The following RAB43 variants were observed in gnomAD, a reference collection of about 807,000 sequenced individuals.
The protein encoded by RAB43 is ras-related protein Rab-43.
In RAB43, 6 loss-of-function variants were observed where a neutral mutation model predicts 18.8. The observed-to-expected ratio is 0.32, with a 90% CI of 0.17 to 0.63. The LOEUF is 0.63. RAB43 is among the 30% of genes least tolerant of loss of function. The pLI, the probability that RAB43 is intolerant of heterozygous loss-of-function variation, is 0.79. For missense variants in RAB43, 195 were observed against 289.1 expected (o/e 0.67, Z 2.36); for synonymous variants, 103 against 124.1 (o/e 0.83, Z 1.13).
Position 129,113,644 on chromosome 3 carries a change from G to T in RAB43, c.204+7642C>A, listed in dbSNP as rs568804804. On this transcript the variant is annotated intron_variant, in intron 1 of 2. Coordinates refer to ENST00000315150, the MANE Select transcript of RAB43 (RefSeq NM_198490.3). ...AGGGAGATTTGCGAGGCAAACTGGTGCAAGTAGAGGAGAGCTGATTTTAAT... is the reference window on the plus strand; with the variant it reads ...AGGGAGATTTGCGAGGCAAACTGGTTCAAGTAGAGGAGAGCTGATTTTAAT... Among the ~76,000 whole-genome samples, 137 of 152,310 alleles carry T rather than the reference G, an allele frequency of 9.0e-4. 2 individuals are homozygous for T. In the South Asian group the frequency reaches 0.028, roughly 31 times the overall value.
Position 129,095,984 on chromosome 3 carries a change from T to G in RAB43, c.205-815A>C, listed in dbSNP as rs1311699775. On this transcript the variant is annotated intron_variant, in intron 1 of 2. Transcript: ENST00000315150. The surrounding 1 kb of genome is among the most constrained non-coding windows in gnomAD (Gnocchi z 4.2). The stretch of plus-strand genomic sequence containing the variant: ...CAGAGATCACCAGCCAAGGGGCATA[T>G]GCCAGGGATCTTGGTGACCAAACAC... Among the ~76,000 whole-genome samples, 1 of 152,188 alleles carries G rather than the reference T, an allele frequency of 6.6e-6. No homozygotes were observed. Among genetic ancestry groups the G allele is most frequent in the Non-Finnish European group, 1.5e-5 (1 of 68,016 alleles).
chr3:129,114,949 G>GTAAACCA (rs1309473914), intron 1 of RAB43, among the ~76,000 whole-genome samples: 27 of 152,188 alleles, frequency 1.8e-4, no homozygotes, highest in Admixed American at 4.6e-4. Flanking sequence ...GGGCAACTAG[G>GTAAACCA]CTGAGAAACC....
chr3:129,102,055 G>A (rs879598400), intron 1 of RAB43, among the ~76,000 whole-genome samples: 12 of 152,158 alleles, frequency 7.9e-5, no homozygotes, highest in African/African-American at 1.4e-4. Flanking sequence ...AGAGGCCTCC[G>A]CACCCTAGGG....
At chr3:129,121,080 C>A (rs78114618) in intron 1 of RAB43, among the ~76,000 whole-genome samples, 3,762 of 147,806 alleles carry the variant, frequency 0.025, 307 homozygotes, top group East Asian at 0.22. Context: ...CCCCCCCCCC[C>A]CCAGCAACCC....
chr3:129,112,065 A>G (rs947961640), intron 1 of RAB43, among the ~76,000 whole-genome samples: 1 of 152,138 alleles, frequency 6.6e-6, no homozygotes, highest in Non-Finnish European at 1.5e-5. Flanking sequence ...CCTGGGCAAC[A>G]ATGTGAAACC....
chr3:129,121,498 A>G lies in RAB43; in HGVS notation c.-9T>C, dbSNP rs2107591231. 1 of 1,601,194 alleles carries G rather than the reference A, an allele frequency of 6.2e-7. No individual in the cohort carries two copies. Among genetic ancestry groups the G allele is most frequent in the Non-Finnish European group, 8.5e-7 (1 of 1,174,422 alleles). On this transcript the variant is annotated 5_prime_UTR_variant, in exon 1 of 3. Coordinates refer to ENST00000315150, the MANE Select transcript of RAB43 (RefSeq NM_198490.3). The stretch of plus-strand genomic sequence containing the variant: ...GGGCCCGGCCCTGCCATGGCCTAGA[A>G]GAAGCCGAAGGGCCGGCGCTCTGGA...
chr3:129,101,360 A>T (rs1037467955), intron 1 of RAB43, among the ~76,000 whole-genome samples: 7 of 152,182 alleles, frequency 4.6e-5, no homozygotes, highest in Non-Finnish European at 1.0e-4. Flanking sequence ...ACATGCGCTG[A>T]GCTCCTGCCT....
intron 1 of RAB43, among the ~76,000 whole-genome samples, chr3:129,115,080 C>T (rs1266459818): frequency 6.6e-6 from 1 of 152,072 alleles, no homozygotes; most frequent in Non-Finnish European, 1.5e-5. Flanking sequence ...AGGGGTTTTG[C>T]AGGTAAGACA....
chr3:129,109,246 T>TAA (rs1934986641), intron 1 of RAB43, among the ~76,000 whole-genome samples: 1 of 151,596 alleles, frequency 6.6e-6, no homozygotes, highest in Admixed American at 6.6e-5. Context: ...CCATCTCTAC[T>TAA]AAAAATACAA....
intron 2 of RAB43, chr3:129,092,658 G>A (rs1933742033): frequency 3.9e-6 from 2 of 513,256 alleles, no homozygotes; most frequent in Non-Finnish European, 7.0e-6. Context: ...TTTCATAGCT[G>A]TATAAAATGT....
chr3:129,102,249 A>T (rs552850664), intron 1 of RAB43, among the ~76,000 whole-genome samples: 4 of 152,206 alleles, frequency 2.6e-5, no homozygotes, highest in Non-Finnish European at 5.9e-5. Flanking sequence ...TCAGTCTCCA[A>T]AACAAAAGCT....
chr3:129,101,129 A>T (rs969579321), intron 1 of RAB43, among the ~76,000 whole-genome samples: 23 of 152,148 alleles, frequency 1.5e-4, no homozygotes, highest in East Asian at 1.9e-4. Flanking sequence ...TCCGTACAAA[A>T]AGGTGCTGTC....
chr3:129,109,185 C>T (rs983755957), intron 1 of RAB43, among the ~76,000 whole-genome samples: 3 of 151,374 alleles, frequency 2.0e-5, no homozygotes, highest in South Asian at 2.1e-4. Flanking sequence ...CCAAGGCGGG[C>T]GGATCACGAG....
chr3:129,096,083 C>A (rs1396318807), intron 1 of RAB43, among the ~76,000 whole-genome samples: 1 of 152,262 alleles, frequency 6.6e-6, no homozygotes, highest in East Asian at 1.9e-4. Context: ...TGACACCCAG[C>A]TTGTGGCGTG....
At chr3:129,116,480 G>T (rs1935534826) in intron 1 of RAB43, among the ~76,000 whole-genome samples, 1 of 152,198 alleles carries the variant, frequency 6.6e-6, no homozygotes, top group Non-Finnish European at 1.5e-5. Flanking sequence ...ATCCAAATAG[G>T]AAAAGAACAG....
chr3:129,110,275 G>A (rs1250895787), intron 1 of RAB43, among the ~76,000 whole-genome samples: 1 of 152,168 alleles, frequency 6.6e-6, no homozygotes, highest in Non-Finnish European at 1.5e-5. Flanking sequence ...GAAGAGAACT[G>A]ATCAATTCAA....
At chr3:129,102,455 C>T (rs768608727) in intron 1 of RAB43, among the ~76,000 whole-genome samples, 9 of 151,864 alleles carry the variant, frequency 5.9e-5, no homozygotes, top group African/African-American at 9.7e-5. Flanking sequence ...ATGGTGAAAC[C>T]CCGTCTCTAC....
At chr3:129,105,070 A>C (rs1934676589) in intron 1 of RAB43, among the ~76,000 whole-genome samples, 1 of 152,226 alleles carries the variant, frequency 6.6e-6, no homozygotes, top group South Asian at 2.1e-4. Context: ...CAGACAAGTG[A>C]CATAAAAGGC....
chr3:129,116,638 T>C (rs977509407), intron 1 of RAB43, among the ~76,000 whole-genome samples: 3 of 152,108 alleles, frequency 2.0e-5, no homozygotes, highest in African/African-American at 7.2e-5. Flanking sequence ...AGGGGAAGCT[T>C]GAGAGTCAAG....
Sources: gnomAD v4.1 joint callset for allele counts (sites outside exome capture counted in the v4.1 genomes callset) on GRCh38, gnomAD v4.1.1 for gene constraint, Gnocchi (gnomAD v3.1) non-coding constraint, MANE v1.5 for transcripts, NCBI Gene and HGNC (gene_info 2026-07-23, HGNC 2026-07-21) for gene names.